The following DYNC2H1 variants were observed in gnomAD, a reference collection of about 807,000 sequenced individuals.
DYNC2H1 encodes cytoplasmic dynein 2 heavy chain 1.
In DYNC2H1, 410 loss-of-function variants were observed where a neutral mutation model predicts 570.0. The ratio of observed to expected loss-of-function variants is 0.72; its 90% CI spans 0.66 to 0.78. The LOEUF (loss-of-function observed/expected upper bound fraction) is 0.78, where lower values mean the gene tolerates loss of function less well. Among genes scored for constraint, DYNC2H1 ranks in the 30% least tolerant of loss-of-function variants. The probability of loss-of-function intolerance (pLI) is 0.00; values close to 1 mark genes in which losing one functional copy is unlikely to be tolerated. For missense variants in DYNC2H1, 4,865 were observed against 5,046.4 expected, an observed-to-expected ratio of 0.96 and a Z score of 1.09; for synonymous variants, 1,688 against 1,677.6, an observed-to-expected ratio of 1.01 and a Z score of -0.15.
intron 85 of DYNC2H1, among the ~76,000 whole-genome samples, chr11:103,442,764 G>T (rs548776291): frequency 2.6e-5 from 4 of 152,170 alleles, no homozygotes; most frequent in Admixed American, 2.0e-4. Context: ...AATTTTAGCA[G>T]CTTCCTGGAG....
In DYNC2H1 at chr11:103,120,542, T is replaced by A; in HGVS notation, c.1095T>A (p.Phe365Leu). 6.2e-7 allele frequency: 1 copy of A among 1,613,318 alleles called. No individual in the cohort carries two copies. The highest frequency in any genetic ancestry group is 8.5e-7 in the Non-Finnish European group (1 of 1,179,522). The change falls in exon 7 of 89, where the codon TTT becomes TTA. Residue 365 changes from phenylalanine to leucine, a missense_variant. Phe to Leu is a conservative substitution (Grantham distance 22, BLOSUM62 0). Around this residue, in one of 5 missense-constraint regions of DYNC2H1, gnomAD observed 1,936 missense variants for 1,962.1 expected, o/e 0.99. Transcript: ENST00000375735. ...GCCTCACTCGAGTATTTGAACCTTT[T>A]ACTGGCCTGAATCCTGTGCAATATA... ...IICLTRVFEP[F>L]TGLNPVQYNP...
At chr11:103,380,754 G>C (rs1217115168) in intron 83 of DYNC2H1, among the ~76,000 whole-genome samples, 1 of 152,092 alleles carries the variant, frequency 6.6e-6, no homozygotes, top group Non-Finnish European at 1.5e-5. Flanking sequence ...TAGAGATGGG[G>C]TTTCGCCTTG....
intron 54 of DYNC2H1, 72 bp from the exon 55 acceptor site, chr11:103,215,649 A>T (rs965412507): frequency 1.5e-6 from 2 of 1,332,030 alleles, no homozygotes; most frequent in Non-Finnish European, 1.9e-6. Context: ...ATTCTTTTCT[A>T]TAGGGCTTTA....
rs527587896 is a variant in DYNC2H1 at position 103,163,556 on chromosome 11, T to C, written c.4611+409T>C. 1.2e-3 allele frequency among the ~76,000 whole-genome samples: 189 copies of C among 152,270 alleles called. 1 individual carries two copies. The highest frequency in any genetic ancestry group is 3.4e-3 in the Middle Eastern group (1 of 294). On this transcript the variant is annotated intron_variant, in intron 30 of 88. Transcript: ENST00000375735. The surrounding 1 kb of genome is among the most constrained non-coding windows in gnomAD (Gnocchi z 4.6). ...CTGAAATAGTCATAACACTAAACTG[T>C]AATATTGACAGTGAGAGTGAGGTCA... is the stretch of plus-strand genomic sequence containing the variant.
At chr11:103,351,180 A>ATTTGG (rs1424507132) in intron 82 of DYNC2H1, among the ~76,000 whole-genome samples, 12 of 152,160 alleles carry the variant, frequency 7.9e-5, no homozygotes, top group Non-Finnish European at 1.5e-4. Flanking sequence ...TGGAAGGTTC[A>ATTTGG]AAATGTCCTT....
At position 103,256,119 on chromosome 11, in the gene DYNC2H1, C is replaced by T. The variant is rs1243609686; in HGVS notation, c.10340C>T (p.Ser3447Phe). ...EESLLETLAT[S>F]QGNILENKDL... ...CTTTCCCTACAGACACTTGCCACAT[C>T]TCAAGGCAATATTTTGGAAAATAAG... is the stretch of plus-strand genomic sequence containing the variant. The change falls in exon 68 of 89, where the codon TCT (serine) becomes TTT (phenylalanine). Residue 3447 changes from serine (S) to phenylalanine (F), a missense_variant. Ser to Phe is a radical substitution (Grantham distance 155). This residue lies in a region of DYNC2H1 where 2,401 missense variants were observed against 2,454.6 expected (regional missense o/e 0.98). Coordinates refer to ENST00000375735, the MANE Select transcript of DYNC2H1 (RefSeq NM_001377.3). The surrounding 1 kb of genome is among the most constrained non-coding windows in gnomAD (Gnocchi z 4.0). 2 of 1,603,742 alleles carry T rather than the reference C, an allele frequency of 1.2e-6. No homozygotes were observed. The highest frequency in any genetic ancestry group is 2.7e-5 in the African/African-American group (2 of 74,858).
chr11:103,384,214 T>C (rs1174509321), intron 83 of DYNC2H1, among the ~76,000 whole-genome samples: 2 of 152,204 alleles, frequency 1.3e-5, no homozygotes, highest in Non-Finnish European at 2.9e-5. Flanking sequence ...TTGTTTTATT[T>C]ATACAGGTTC....
At chr11:103,311,611 C>T (rs1200430178) in intron 78 of DYNC2H1, among the ~76,000 whole-genome samples, 5 of 151,604 alleles carry the variant, frequency 3.3e-5, no homozygotes, top group African/African-American at 1.2e-4. Context: ...TCTCAATCAT[C>T]CTATAAAACT....
chr11:103,326,729 G>T lies in DYNC2H1; in HGVS notation c.12039+2739G>T, dbSNP rs1160647741. On this transcript the variant is annotated intron_variant, in intron 82 of 88. Coordinates refer to ENST00000375735, the MANE Select transcript of DYNC2H1 (RefSeq NM_001377.3). This position sits in a 1 kb window ranked among gnomAD's most constrained non-coding sequence, Gnocchi z 6.1. ...TGCGGGGTGGCTATGGAGGGGCTCG[G>T]CAGTGGGAAGGCCTGCAGAACAGAT... Among the ~76,000 whole-genome samples the T allele has an allele frequency of 3.3e-5, 5 of 152,186 alleles. No individual in the cohort carries two copies. The highest frequency in any genetic ancestry group is 7.3e-5 in the Non-Finnish European group (5 of 68,036).
chr11:103,316,587 G>T lies in DYNC2H1; in HGVS notation c.11692G>T (p.Ala3898Ser). The T allele has an allele frequency of 6.4e-7, 1 of 1,559,946 alleles. No homozygotes were observed. The highest frequency in any genetic ancestry group is 1.2e-5 in the South Asian group (1 of 80,678). The change falls in exon 80 of 89, where the codon GCT (alanine) becomes TCT (serine). Residue 3898 changes from alanine to serine, a missense_variant. Coordinates refer to ENST00000375735, the MANE Select transcript of DYNC2H1 (RefSeq NM_001377.3). ...TGAATTTTCTTTATCAGATCTTCGG[G>T]CTGGGTACAACATTATTGACAGACT... ...FYEFSLSDLR[A>S]GYNIIDRLFD... is the part of the protein sequence containing the mutation.
intron 14 of DYNC2H1, 90 bp from the exon 15 acceptor site, chr11:103,134,231 G>T (rs1859421666): frequency 2.8e-6 from 3 of 1,087,288 alleles, no homozygotes; most frequent in African/African-American, 1.6e-5. Flanking sequence ...TTGATCACTT[G>T]GTTAAGGTGG....
rs2135150032 is a variant in DYNC2H1 at position 103,220,726 on chromosome 11, T to C, written c.9050T>C (p.Leu3017Pro). 1 of 1,613,062 alleles carries C rather than the reference T, an allele frequency of 6.2e-7. No individual in the cohort carries two copies. Reference protein sequence around the residue: ...RMPPDVIRDILEGVLRLMGIF... With the variant: ...RMPPDVIRDIPEGVLRLMGIF... The stretch of plus-strand genomic sequence containing the variant: ...CCACCTGATGTAATTAGAGATATTC[T>C]TGAAGGAGTTTTAAGGTTGATGGGT... Residue 3017 changes from leucine to proline, a missense_variant, in exon 57 of 89, where the codon CTT (leucine) becomes CCT (proline). Leu to Pro is a moderately conservative substitution (Grantham distance 98, BLOSUM62 -3). Around this residue, in one of 5 missense-constraint regions of DYNC2H1, gnomAD observed 2,401 missense variants for 2,454.6 expected, o/e 0.98. Transcript: ENST00000375735.
At position 103,459,766 on chromosome 11, in the gene DYNC2H1, C is replaced by A. The variant is rs577818996; in HGVS notation, c.12648+3410C>A. ...AGGAGATCGAGACCATCCTGGCTAACAAGGTGAAACCCCGTCTCTACTAAA... is the reference window on the plus strand; with the variant it reads ...AGGAGATCGAGACCATCCTGGCTAAAAAGGTGAAACCCCGTCTCTACTAAA... On this transcript the variant is annotated intron_variant, in intron 87 of 88. Coordinates refer to ENST00000375735, the MANE Select transcript of DYNC2H1 (RefSeq NM_001377.3). Among the ~76,000 whole-genome samples the A allele has an allele frequency of 2.0e-5, 3 of 151,120 alleles. No homozygotes were observed. The South Asian group carries it at 6.3e-4, about 32-fold the overall frequency.
intron 85 of DYNC2H1, among the ~76,000 whole-genome samples, chr11:103,451,551 T>C (rs1944605351): frequency 6.6e-6 from 1 of 152,104 alleles, no homozygotes; most frequent in South Asian, 2.1e-4. Flanking sequence ...CAGGATGGTC[T>C]CGATCTCTTG....
chr11:103,189,013 A>G lies in DYNC2H1; in HGVS notation c.7292+365A>G, dbSNP rs1862191400. ...TGAAGATAACAAAAAGAGAATTTCA[A>G]TCTGAACAAGGGAGAATTAGGGTCA... is the stretch of plus-strand genomic sequence containing the variant. On this transcript the variant is annotated intron_variant, in intron 44 of 88. Coordinates refer to ENST00000375735, the MANE Select transcript of DYNC2H1 (RefSeq NM_001377.3). This position sits in a 1 kb window ranked among gnomAD's most constrained non-coding sequence, Gnocchi z 4.3. Among the ~76,000 whole-genome samples the G allele has an allele frequency of 6.6e-6, 1 of 152,076 alleles. No individual in the cohort carries two copies. Among genetic ancestry groups the G allele is most frequent in the African/African-American group, 2.4e-5 (1 of 41,432 alleles).
intron 78 of DYNC2H1, 72 bp downstream of exon 78, chr11:103,307,903 T>C: frequency 1.2e-6 from 1 of 803,522 alleles, no homozygotes; most frequent in South Asian, 2.0e-5. Flanking sequence ...TAAAACTTTG[T>C]AAACAACTAT....
intron 84 of DYNC2H1, among the ~76,000 whole-genome samples, chr11:103,400,447 G>A (rs1340977022): frequency 1.3e-5 from 2 of 152,142 alleles, no homozygotes; most frequent in Non-Finnish European, 2.9e-5. Context: ...AGTCTAGATA[G>A]TTTTAGAAGA....
intron 85 of DYNC2H1, among the ~76,000 whole-genome samples, chr11:103,441,795 T>C (rs1944279078): frequency 6.6e-6 from 1 of 152,164 alleles, no homozygotes; most frequent in South Asian, 2.1e-4. Flanking sequence ...AAGTGTTTTA[T>C]TTTTCTTAAG....
intron 87 of DYNC2H1, among the ~76,000 whole-genome samples, chr11:103,456,958 C>T (rs1270626301): frequency 6.6e-6 from 1 of 152,122 alleles, no homozygotes; most frequent in East Asian, 1.9e-4. Flanking sequence ...GGTCCCATCC[C>T]CAAGATAGTT....
Sources: allele counts gnomAD v4.1 joint callset (sites outside exome capture counted in the v4.1 genomes callset), GRCh38; gene constraint gnomAD v4.1.1; regional missense constraint gnomAD v4.1.1; non-coding constraint Gnocchi (gnomAD v3.1); transcripts MANE v1.5; gene names NCBI Gene and HGNC (gene_info 2026-07-23, HGNC 2026-07-21).